SLC36A1: variants seen among roughly 807,000 people sequenced by gnomAD.
The protein encoded by SLC36A1 is proton-coupled amino acid transporter 1.
SLC36A1 carries 30 observed loss-of-function variants against 47.5 expected under a neutral mutation model. The ratio of observed to expected loss-of-function variants is 0.63; its 90% CI spans 0.47 to 0.86. The LOEUF (loss-of-function observed/expected upper bound fraction) is 0.86. Ranked by LOEUF, SLC36A1 falls within the 40% of genes least tolerant of loss-of-function variation. SLC36A1 has a pLI of 0.00. For synonymous variants in SLC36A1, 255 were observed against 249.7 expected (o/e 1.02, Z -0.20); for missense variants, 517 against 606.0 (o/e 0.85, Z 1.54).
chr5:151,436,735 A>G (rs985197161), upstream of SLC36A1, among the ~76,000 whole-genome samples: 4 of 129,118 alleles, frequency 3.1e-5, no homozygotes, highest in African/African-American at 1.6e-4. Flanking sequence ...TATATGTCCT[A>G]GGACTATCCA....
At chr5:151,451,159 C>T (rs1279335100) in intron 1 of SLC36A1, 1 of 152,112 alleles carries the variant, frequency 6.6e-6, no homozygotes, top group African/African-American at 2.4e-5. Flanking sequence ...CAAAATATTT[C>T]TCTTGGAAGC....
chr5:151,386,593 G>T, the SLC36A1 span, among the ~76,000 whole-genome samples: 1 of 151,952 alleles, frequency 6.6e-6, no homozygotes, highest in Non-Finnish European at 1.5e-5. Context: ...TCACTGCATG[G>T]GTGTCTTGGT....
the SLC36A1 span, chr5:151,381,003 T>G: frequency 2.6e-6 from 1 of 388,726 alleles, no homozygotes; most frequent in East Asian, 6.2e-5. Flanking sequence ...GGGGCCAGGC[T>G]GACAGACTAT....
chr5:151,550,759 A>C, the SLC36A1 span: 1 of 1,613,918 alleles, frequency 6.2e-7, no homozygotes, highest in South Asian at 1.1e-5. Context: ...TATGGCCTGG[A>C]CTCGCAGGAG....
At chr5:151,370,487 G>A in the SLC36A1 span, among the ~76,000 whole-genome samples, 3 of 151,932 alleles carry the variant, frequency 2.0e-5, no homozygotes, top group African/African-American at 7.3e-5. Context: ...ATGCCCTTTG[G>A]CCCAGATACA....
the SLC36A1 span, among the ~76,000 whole-genome samples, chr5:151,394,183 A>T: frequency 6.6e-6 from 1 of 152,126 alleles, no homozygotes; most frequent in African/African-American, 2.4e-5. Flanking sequence ...CCTTTCTTCC[A>T]GTTGATTGAA....
chr5:151,345,310 G>A, the SLC36A1 span, among the ~76,000 whole-genome samples: 1 of 152,136 alleles, frequency 6.6e-6, no homozygotes, highest in East Asian at 1.9e-4. Flanking sequence ...CCCGGTCTCT[G>A]GGATTTGACA....
At chr5:151,396,317 G>T in the SLC36A1 span, among the ~76,000 whole-genome samples, 1 of 150,446 alleles carries the variant, frequency 6.6e-6, no homozygotes, top group Non-Finnish European at 1.5e-5. Context: ...TGGCCAGGCT[G>T]GTCTCGAACT....
the SLC36A1 span, among the ~76,000 whole-genome samples, chr5:151,506,435 C>T: frequency 6.6e-6 from 1 of 152,088 alleles, no homozygotes; most frequent in Admixed American, 6.5e-5. Flanking sequence ...TGAGTTTCAT[C>T]CCCTTAACTG....
the SLC36A1 span, chr5:151,543,881 A>G: frequency 6.2e-7 from 1 of 1,614,078 alleles, no homozygotes; most frequent in South Asian, 1.1e-5. Context: ...AGAATCAGGT[A>G]CTCCAGGCGG....
intron 1 of SLC36A1, among the ~76,000 whole-genome samples, chr5:151,439,628 G>A (rs893293567): frequency 6.6e-6 from 1 of 150,762 alleles, no homozygotes; most frequent in African/African-American, 2.4e-5. Flanking sequence ...ACTCCAGCCA[G>A]GGCAACAGAG....
downstream of SLC36A1, among the ~76,000 whole-genome samples, chr5:151,495,436 C>G (rs899188566): frequency 3.3e-5 from 5 of 152,200 alleles, no homozygotes; most frequent in Admixed American, 3.3e-4. Context: ...GTGTTAACAT[C>G]TTGCATAACT....
chr5:151,460,307 T>C (rs1191309286), intron 2 of SLC36A1, among the ~76,000 whole-genome samples: 1 of 152,228 alleles, frequency 6.6e-6, no homozygotes, highest in Non-Finnish European at 1.5e-5. Flanking sequence ...GTCTAAGCAA[T>C]ATTTAGCAGA....
At chr5:151,419,409 G>A in the SLC36A1 span, among the ~76,000 whole-genome samples, 1 of 152,208 alleles carries the variant, frequency 6.6e-6, no homozygotes, top group Non-Finnish European at 1.5e-5. Flanking sequence ...CTGGACCCAT[G>A]TACACATCTT....
At chr5:151,400,298 A>G in the SLC36A1 span, among the ~76,000 whole-genome samples, 1 of 152,206 alleles carries the variant, frequency 6.6e-6, no homozygotes, top group Non-Finnish European at 1.5e-5. Context: ...TGAGGATAAT[A>G]GCCTCCAGCT....
chr5:151,550,136 T>G, the SLC36A1 span, among the ~76,000 whole-genome samples: 1 of 152,112 alleles, frequency 6.6e-6, no homozygotes, highest in Non-Finnish European at 1.5e-5. Context: ...GTGCAAAATT[T>G]AAAGAGGCTC....
In SLC36A1 at chr5:151,491,862, G is replaced by A. The variant is rs1429721675; in HGVS notation, c.*3608G>A. ...GAGGCCATTAGGGGAAAAGGAAGGG[G>A]TGTGGTTTGTCTTTGAAATTACGGT... On this transcript the variant is annotated 3_prime_UTR_variant, in exon 11 of 11. Coordinates refer to ENST00000243389, the MANE Select transcript of SLC36A1 (RefSeq NM_078483.4). 6.6e-6 allele frequency: 1 copy of A among 152,268 alleles called. No homozygotes were observed. Among genetic ancestry groups the A allele is most frequent in the Admixed American group, 6.5e-5 (1 of 15,290 alleles). The allele number at this position is 152,268 out of a possible 1,614,324, so 9.4% of individuals were successfully genotyped here.
At chr5:151,365,713 T>C in the SLC36A1 span, among the ~76,000 whole-genome samples, 1 of 152,234 alleles carries the variant, frequency 6.6e-6, no homozygotes, top group African/African-American at 2.4e-5. Flanking sequence ...CTCCACCCCT[T>C]ACTAACTGTA....
chr5:151,470,321 G>A lies in SLC36A1; in HGVS notation c.723+2396G>A, dbSNP rs77209266. Among the ~76,000 whole-genome samples, 1,530 of 152,310 alleles carry A rather than the reference G, an allele frequency of 0.01. 60 individuals are homozygous for A. The East Asian group carries it at 0.13, about 13-fold the overall frequency. On this transcript the variant is annotated intron_variant, in intron 7 of 10. Transcript: ENST00000243389. ...CTTTTAAATCATTGCAGGTAGTCGG[G>A]CTGTGGTGGTTGCCATGATCAGAGG...
Sources: gnomAD v4.1 joint callset for allele counts (sites outside exome capture counted in the v4.1 genomes callset) on GRCh38, gnomAD v4.1.1 for gene constraint, MANE v1.5 for transcripts, NCBI Gene and HGNC (gene_info 2026-07-23, HGNC 2026-07-21) for gene names.